Variants in SLC5A10 observed in about 807,000 individuals in gnomAD.
The protein encoded by SLC5A10 is solute carrier family 5 member 10.
Under a neutral mutation model 68.9 loss-of-function variants are expected in SLC5A10, and 55 were observed. The observed-to-expected ratio is 0.80, with a 90% CI of 0.64 to 1.00. The LOEUF (loss-of-function observed/expected upper bound fraction) is 1.00, where lower values mean the gene tolerates loss of function less well. SLC5A10 is among the 50% of genes least tolerant of loss of function. The pLI is 0.00. For missense variants in SLC5A10, 732 were observed against 819.3 expected (o/e 0.89, Z 1.30); for synonymous variants, 344 against 344.8 (o/e 1.00, Z 0.02).
chr17:18,969,066 G>A lies in SLC5A10; in HGVS notation c.468G>A (p.Ala156=), dbSNP rs564052153. Residue 156 remains alanine, a synonymous_variant, in exon 6 of 15, where the codon GCG becomes GCA. Transcript: ENST00000395645. ...VFTKISLDLY[A]GALFVHICLG... ...TCCCTCCGCAGCTGGACCTGTACGC[G>A]GGGGCTCTGTTTGTGCACATCTGCC... 1.1e-4 allele frequency: 178 copies of A among 1,613,630 alleles called. No individual in the cohort carries two copies. Among genetic ancestry groups the A allele is most frequent in the South Asian group, 4.2e-4 (38 of 91,032 alleles).
chr17:18,979,518 C>G (rs762325698), intron 9 of SLC5A10: 1 of 1,610,396 alleles, frequency 6.2e-7, no homozygotes, highest in East Asian at 2.2e-5. Flanking sequence ...AGGTACCTCT[C>G]GCACAACTTC....
intron 1 of SLC5A10, 68 bp from the exon 2 acceptor site, chr17:18,958,614 G>C (rs147960764): frequency 6.9e-7 from 1 of 1,448,940 alleles, no homozygotes; most frequent in Non-Finnish European, 9.7e-7. Context: ...CTGCCAAGCC[G>C]TTTCCCATTC....
At chr17:18,957,877 A>G (rs1184592014) in intron 1 of SLC5A10, among the ~76,000 whole-genome samples, 1 of 152,188 alleles carries the variant, frequency 6.6e-6, no homozygotes, top group East Asian at 1.9e-4. Context: ...ATCAAAGTCA[A>G]GCACCGTTCT....
Position 18,969,096 on chromosome 17 carries a change from C to A in SLC5A10, c.498C>A (p.Gly166=). 1 of 1,614,142 alleles carries A rather than the reference C, an allele frequency of 6.2e-7. No individual in the cohort carries two copies. The highest frequency in any genetic ancestry group is 1.1e-5 in the South Asian group (1 of 91,080). ...CTCTGTTTGTGCACATCTGCCTGGG[C>A]TGGAACTTCTACCTCTCCACCATCC... is the stretch of plus-strand genomic sequence containing the variant. ...AGALFVHICL[G]WNFYLSTILT... The change falls in exon 6 of 15, where the codon GGC becomes GGA. Residue 166 remains glycine (G), a synonymous_variant. Transcript: ENST00000395645.
rs2044155924 is a variant in SLC5A10, at chr17:19,017,118, C to G, written c.1241+1919C>G. Among the ~76,000 whole-genome samples, 1 of 152,250 alleles carries G rather than the reference C, an allele frequency of 6.6e-6. No individual in the cohort carries two copies. The highest frequency in any genetic ancestry group is 2.4e-5 in the African/African-American group (1 of 41,468). On this transcript the variant is annotated intron_variant, in intron 11 of 14. Transcript: ENST00000395645. This position sits in a 1 kb window ranked among gnomAD's most constrained non-coding sequence, Gnocchi z 5.6. ...CAACCCCCGCCCCTAGCCCTGCAAGCCTGGCAGTCGGCCTCCCTGAGGAGC... is the reference window on the plus strand; with the variant it reads ...CAACCCCCGCCCCTAGCCCTGCAAGGCTGGCAGTCGGCCTCCCTGAGGAGC...
chr17:18,960,652 G>T lies in SLC5A10; in HGVS notation c.453G>T (p.Ser151=). 1 of 1,613,928 alleles carries T rather than the reference G, an allele frequency of 6.2e-7. No homozygotes were observed. Among genetic ancestry groups the T allele is most frequent in the Non-Finnish European group, 8.5e-7 (1 of 1,179,848 alleles). Residue 151 remains serine (S), a splice_region_variant and synonymous_variant, in exon 5 of 15, where the codon TCG becomes TCT. Transcript: ENST00000395645. ...SLLLSVFTKI[S]LDLYAGALFV... ...TACTGTCTGTCTTCACCAAGATATC[G>T]GTGAGCTGCCCCCGGCTCCCTGCTG...
intron 9 of SLC5A10, among the ~76,000 whole-genome samples, chr17:18,984,433 G>A (rs539642069): frequency 3.4e-4 from 51 of 151,974 alleles, no homozygotes; most frequent in Non-Finnish European, 6.5e-4. Context: ...AGGCATCCCC[G>A]GGGAACGGGG....
intron 8 of SLC5A10, among the ~76,000 whole-genome samples, chr17:18,975,360 C>T (rs1336040857): frequency 6.6e-6 from 1 of 152,146 alleles, no homozygotes; most frequent in East Asian, 1.9e-4. Context: ...TGCTGGGAGC[C>T]GTCCGTTAAA....
chr17:19,016,045 A>G (rs915287238), intron 11 of SLC5A10, among the ~76,000 whole-genome samples: 3 of 150,148 alleles, frequency 2.0e-5, no homozygotes, highest in South Asian at 2.1e-4. Context: ...AGTCCATTGT[A>G]TCATTCTTTT....
intron 11 of SLC5A10, among the ~76,000 whole-genome samples, chr17:19,016,460 A>G (rs2044143466): frequency 6.6e-6 from 1 of 150,680 alleles, no homozygotes; most frequent in Non-Finnish European, 1.5e-5. Context: ...TGTGGCTCAC[A>G]CTCTGCTGCT....
At chr17:18,983,381 G>C (rs1467999173) in intron 9 of SLC5A10, among the ~76,000 whole-genome samples, 1 of 152,274 alleles carries the variant, frequency 6.6e-6, no homozygotes, top group Non-Finnish European at 1.5e-5. Context: ...GGCAGCACCA[G>C]GACAGCCTGT....
Position 18,971,137 on chromosome 17 carries a change from C to T in SLC5A10, c.765C>T (p.Asp255=), listed in dbSNP as rs1268192687. ...PRTDAMHMFR[D]PHTGDLPWTG... ...CAGACGCCATGCACATGTTTCGAGA[C>T]CCCCACACAGGGGACCTGCCGTGGA... The change falls in exon 8 of 15, where the codon GAC becomes GAT. Residue 255 remains aspartate (D), a synonymous_variant. Coordinates refer to ENST00000395645, the MANE Select transcript of SLC5A10 (RefSeq NM_001042450.4). The surrounding 1 kb of genome is among the most constrained non-coding windows in gnomAD (Gnocchi z 5.5). 1 of 1,614,138 alleles carries T rather than the reference C, an allele frequency of 6.2e-7. No individual in the cohort carries two copies.
At chr17:19,015,314 G>A in intron 11 of SLC5A10, 115 bp downstream of exon 11, 1 of 736,326 alleles carries the variant, frequency 1.4e-6, no homozygotes, top group Non-Finnish European at 2.2e-6. Flanking sequence ...ATGCCAGGAA[G>A]GAGGGAAGAG....
chr17:18,959,473 C>T (rs564656101), intron 3 of SLC5A10, 131 bp from the exon 4 acceptor site: 51 of 1,064,806 alleles, frequency 4.8e-5, no homozygotes, highest in Non-Finnish European at 6.4e-5. Flanking sequence ...CACCCAGGAT[C>T]TCATGGCAAG....
intron 8 of SLC5A10, among the ~76,000 whole-genome samples, chr17:18,972,888 C>T (rs951903326): frequency 1.3e-5 from 2 of 148,428 alleles, no homozygotes; most frequent in Non-Finnish European, 3.0e-5. Context: ...AAAAAAAGAA[C>T]AGACCCCAAC....
intron 9 of SLC5A10, among the ~76,000 whole-genome samples, chr17:18,992,971 T>G (rs2043466621): frequency 6.6e-6 from 1 of 152,172 alleles, no homozygotes; most frequent in Non-Finnish European, 1.5e-5. Context: ...CTAGCCTTCC[T>G]GTGACCACAG....
At chr17:18,988,338 T>A (rs747380295) in intron 9 of SLC5A10, 1 of 1,614,222 alleles carries the variant, frequency 6.2e-7, no homozygotes, top group South Asian at 1.1e-5. Context: ...CACGGCCACT[T>A]TCCTCTTGAA....
chr17:19,012,835 C>T (rs564764783), intron 9 of SLC5A10, among the ~76,000 whole-genome samples: 5 of 152,328 alleles, frequency 3.3e-5, no homozygotes, highest in South Asian at 4.1e-4. Context: ...TCTGACCCCA[C>T]GTCCTAAGCC....
At chr17:18,967,336 G>A (rs983153641) in intron 5 of SLC5A10, among the ~76,000 whole-genome samples, 6 of 152,214 alleles carry the variant, frequency 3.9e-5, no homozygotes, top group African/African-American at 1.4e-4. Context: ...GCCTGCCACC[G>A]TGGAAGGAAG....
Sources: allele counts gnomAD v4.1 joint callset (sites outside exome capture counted in the v4.1 genomes callset), GRCh38; gene constraint gnomAD v4.1.1; non-coding constraint Gnocchi (gnomAD v3.1); transcripts MANE v1.5; gene names NCBI Gene and HGNC (gene_info 2026-07-23, HGNC 2026-07-21).